The following IGSF9B variants were observed in gnomAD, a reference collection of about 807,000 sequenced individuals.
IGSF9B encodes the protein protein turtle homolog B.
Under a neutral mutation model 143.7 loss-of-function variants are expected in IGSF9B, and 48 were observed. The ratio of observed to expected loss-of-function variants is 0.33; its 90% CI spans 0.26 to 0.42. IGSF9B has a LOEUF of 0.42. IGSF9B is among the 20% of genes least tolerant of loss of function. The pLI, the probability that IGSF9B is intolerant of heterozygous loss-of-function variation, is 1.00. For missense variants in IGSF9B, 1,706 were observed against 1,980.0 expected (o/e 0.86, Z 2.63); for synonymous variants, 903 against 833.1 (o/e 1.08, Z -1.44).
chr11:133,920,187 TAGGCCG>T lies in IGSF9B; in HGVS notation c.3532_3537del (p.Arg1178_Pro1179del). The T allele has an allele frequency of 1.3e-6, 2 of 1,509,924 alleles. No homozygotes were observed. The highest frequency in any genetic ancestry group is 1.8e-6 in the Non-Finnish European group (2 of 1,129,540). The allele number at this position is 1,509,924 out of a possible 1,614,324, so 93.5% of individuals were successfully genotyped here. A position where few individuals can be genotyped will look rare whatever the true frequency, so the allele number is the denominator to read the frequency against. ...TCGGCGCGCCTGGCCTGCCGAGGGC[TAGGCCG>T]GGGCCGGGGCTGGGGCTCATACCAC... On this transcript the variant is annotated inframe_deletion, in exon 18 of 20. Transcript: ENST00000533871.
chr11:133,924,391 A>G (rs542425517), intron 15 of IGSF9B, among the ~76,000 whole-genome samples: 2 of 152,224 alleles, frequency 1.3e-5, no homozygotes, highest in Admixed American at 6.5e-5. Flanking sequence ...CCAAACAACA[A>G]TTTTCCAAAT....
intron 12 of IGSF9B, among the ~76,000 whole-genome samples, chr11:133,929,256 C>A (rs1240816618): frequency 6.6e-6 from 1 of 152,096 alleles, no homozygotes; most frequent in Non-Finnish European, 1.5e-5. Flanking sequence ...CATGTACCCA[C>A]AAAAATTACA....
At chr11:133,935,845 A>T in intron 6 of IGSF9B, 83 bp from the exon 7 acceptor site, 1 of 1,532,338 alleles carries the variant, frequency 6.5e-7, no homozygotes, top group Non-Finnish European at 8.8e-7. Flanking sequence ...ACTGCCCCAG[A>T]TGTGGCATGG....
At chr11:133,927,233 C>A in intron 12 of IGSF9B, 142 bp from the exon 13 acceptor site, 1 of 676,236 alleles carries the variant, frequency 1.5e-6, no homozygotes, top group Non-Finnish European at 2.5e-6. Flanking sequence ...GAGGGCATGG[C>A]CCAGAGTGGA....
chr11:133,925,385 C>A lies in IGSF9B; in HGVS notation c.2034+354G>T, dbSNP rs552731396. The stretch of plus-strand genomic sequence containing the variant: ...CCCTGGACACACCTAGAAGAGAATT[C>A]TTCTTGGAACTTCTCTGCCCACCCC... On this transcript the variant is annotated intron_variant, in intron 14 of 19. Coordinates refer to ENST00000533871, the MANE Select transcript of IGSF9B (RefSeq NM_001277285.4). 2.9e-4 allele frequency among the ~76,000 whole-genome samples: 44 copies of A among 152,326 alleles called. No homozygotes were observed. In the South Asian group the frequency reaches 8.1e-3, roughly 28 times the overall value.
rs761231557 is a variant in IGSF9B at position 133,919,964 on chromosome 11, G to C, written c.3761C>G (p.Ser1254Cys). 1.3e-6 allele frequency: 2 copies of C among 1,563,892 alleles called. No individual in the cohort carries two copies. Among genetic ancestry groups the C allele is most frequent in the Admixed American group, 3.9e-5 (2 of 51,634 alleles). Residue 1254 changes from serine (S) to cysteine (C), a missense_variant, in exon 18 of 20, where the codon TCC becomes TGC. Transcript: ENST00000533871. The part of the protein sequence containing the change: ...AVSFSRKSTP[S>C]TGSPSQSSRS... ...GCTGCTCTGGGAGGGGGAGCCTGTG[G>C]ACGGCGTAGACTTTCGAGAAAAGCT...
chr11:133,911,426 A>AG (rs1939299617), intron 19 of IGSF9B, among the ~76,000 whole-genome samples: 1 of 152,178 alleles, frequency 6.6e-6, no homozygotes, highest in South Asian at 2.1e-4. Context: ...GTTCACTAGA[A>AG]GGCCTGAAAT....
chr11:133,914,837 G>A (rs909210931), intron 18 of IGSF9B, among the ~76,000 whole-genome samples: 10 of 152,172 alleles, frequency 6.6e-5, no homozygotes, highest in East Asian at 1.9e-4. Flanking sequence ...CCAACAGCAC[G>A]TAAAGCCCTG....
chr11:133,928,616 C>T lies in IGSF9B; in HGVS notation c.1631+1055G>A, dbSNP rs919006796. ...GTCTAAAAGAAGGCACTGAGGGGCT[C>T]GCCCTCCCAGCTCAAGGTTGTCACC... On this transcript the variant is annotated intron_variant, in intron 12 of 19. Transcript: ENST00000533871. This position sits in a 1 kb window ranked among gnomAD's most constrained non-coding sequence, Gnocchi z 4.7. Among the ~76,000 whole-genome samples the T allele has an allele frequency of 6.6e-6, 1 of 152,198 alleles. No homozygotes were observed.
At chr11:133,925,017 G>A in intron 14 of IGSF9B, 113 bp from the exon 15 acceptor site, 1 of 823,508 alleles carries the variant, frequency 1.2e-6, no homozygotes, top group Non-Finnish European at 2.0e-6. Context: ...CAAAGCACAG[G>A]AGGACTGCTA....
At chr11:133,956,165 G>A (rs1940248676) in intron 1 of IGSF9B, among the ~76,000 whole-genome samples, 1 of 152,148 alleles carries the variant, frequency 6.6e-6, no homozygotes, top group Non-Finnish European at 1.5e-5. Flanking sequence ...GGCGCGAGCG[G>A]AGCGATGGAC....
intron 3 of IGSF9B, among the ~76,000 whole-genome samples, chr11:133,939,817 TAC>T (rs1339261386): frequency 8.9e-6 from 1 of 112,272 alleles, no homozygotes; most frequent in Non-Finnish European, 1.8e-5. Context: ...TGCAGAAACA[TAC>T]ACCTTGCATG....
chr11:133,934,105 T>C (rs910299588), intron 7 of IGSF9B, among the ~76,000 whole-genome samples: 1 of 152,146 alleles, frequency 6.6e-6, no homozygotes, highest in Non-Finnish European at 1.5e-5. Context: ...CCCCCTGGAT[T>C]TTCTTTGAAG....
chr11:133,944,740 C>A (rs796373818), intron 2 of IGSF9B, among the ~76,000 whole-genome samples: 1 of 152,184 alleles, frequency 6.6e-6, no homozygotes, highest in South Asian at 2.1e-4. Context: ...TGAAAAAGTG[C>A]CAACAGAAGA....
In IGSF9B at chr11:133,901,803, AC is replaced by A. The variant is rs1170739348; in HGVS notation, c.*7265del. Among the ~76,000 whole-genome samples, 1 of 150,428 alleles carries A rather than the reference AC, an allele frequency of 6.6e-6. No individual in the cohort carries two copies. Among genetic ancestry groups the A allele is most frequent in the African/African-American group, 2.4e-5 (1 of 41,006 alleles). ...CAAATCTCTCTCACACACACCACAC[AC>A]AACAGACACACCACACCACACACAC... On this transcript the variant is annotated 3_prime_UTR_variant, in exon 20 of 20. Transcript: ENST00000533871.
rs886446800 is a variant in IGSF9B, at chr11:133,906,595, G to A, written c.*2474C>T. The stretch of plus-strand genomic sequence containing the variant: ...TCAGCACCTGGGTTAGCACGGGGGT[G>A]CCCTGGAAGGCACAGCCATGGCCTG... On this transcript the variant is annotated 3_prime_UTR_variant, in exon 20 of 20. Transcript: ENST00000533871. 5.3e-5 allele frequency among the ~76,000 whole-genome samples: 8 copies of A among 152,210 alleles called. No homozygotes were observed. The highest frequency in any genetic ancestry group is 1.4e-4 in the African/African-American group (6 of 41,448).
chr11:133,923,478 C>T (rs373877261), intron 15 of IGSF9B, among the ~76,000 whole-genome samples: 10 of 152,348 alleles, frequency 6.6e-5, no homozygotes, highest in African/African-American at 2.4e-4. Flanking sequence ...CTGCCCAAGT[C>T]TACAGAGCTC....
At chr11:133,922,271 ACG>A in intron 16 of IGSF9B, 49 bp from the exon 17 acceptor site, 1 of 1,513,504 alleles carries the variant, frequency 6.6e-7, no homozygotes, top group South Asian at 1.2e-5. Context: ...GCCAGCAACC[ACG>A]CAGCACGCGC....
chr11:133,921,804 C>G lies in IGSF9B; in HGVS notation c.2327+373G>C, dbSNP rs574185819. Among the ~76,000 whole-genome samples the G allele has an allele frequency of 7.2e-5, 11 of 152,284 alleles. No homozygotes were observed. In the South Asian group the frequency reaches 2.1e-3, roughly 29 times the overall value. On this transcript the variant is annotated intron_variant, in intron 17 of 19. Coordinates refer to ENST00000533871, the MANE Select transcript of IGSF9B (RefSeq NM_001277285.4). ...TAAGCACACCTCCAGCTTCATTCCCCTCTTTTCAAGACAAGCAAGCTCACT... is the reference window on the plus strand; with the variant it reads ...TAAGCACACCTCCAGCTTCATTCCCGTCTTTTCAAGACAAGCAAGCTCACT...
Sources: gnomAD v4.1 joint callset for allele counts (sites outside exome capture counted in the v4.1 genomes callset) on GRCh38, gnomAD v4.1.1 for gene constraint, Gnocchi (gnomAD v3.1) non-coding constraint, MANE v1.5 for transcripts, NCBI Gene and HGNC (gene_info 2026-07-23, HGNC 2026-07-21) for gene names.